EFR3B: variants seen among roughly 807,000 people sequenced by gnomAD.
EFR3B encodes protein EFR3 homolog B.
Under a neutral mutation model 104.7 loss-of-function variants are expected in EFR3B, and 64 were observed. The observed-to-expected ratio is 0.61, with a 90% CI of 0.50 to 0.75. The LOEUF is 0.75. EFR3B is among the 30% of genes least tolerant of loss of function. EFR3B has a pLI of 0.00. For missense variants in EFR3B, 750 were observed against 1,078.5 expected (o/e 0.70, Z 4.27); for synonymous variants, 385 against 417.9 (o/e 0.92, Z 0.96).
At chr2:25,045,507 C>A (rs539435566) in intron 1 of EFR3B, among the ~76,000 whole-genome samples, 1 of 152,212 alleles carries the variant, frequency 6.6e-6, no homozygotes, top group Non-Finnish European at 1.5e-5. Flanking sequence ...TAAGGCTGGG[C>A]GTGGTGGCTC....
Position 25,103,703 on chromosome 2 carries a change from C to T in EFR3B, c.279C>T (p.Asn93=), listed in dbSNP as rs922398413. ...LLMACHCQSI[N]LFVESFLKMV... ...TGGCCTGCCACTGCCAGAGCATCAA[C>T]CTCTTCGTGGAGAGCTTCCTCAAGA... Residue 93 remains asparagine (N), a synonymous_variant, in exon 4 of 23, where the codon AAC becomes AAT. Coordinates refer to ENST00000403714, the MANE Select transcript of EFR3B (RefSeq NM_014971.2). 4 of 1,551,572 alleles carry T rather than the reference C, an allele frequency of 2.6e-6. No individual in the cohort carries two copies. The highest frequency in any genetic ancestry group is 2.7e-5 in the African/African-American group (2 of 73,028).
At position 25,137,790 on chromosome 2, in the gene EFR3B, G is replaced by A. The variant is rs941963934; in HGVS notation, c.1722+288G>A. ...TTAGCTACTACATGTCAAGTCTCTC[G>A]CAGAGTCTGAGTGAGACTCCAGGGA... On this transcript the variant is annotated intron_variant, in intron 15 of 22. Transcript: ENST00000403714. This position sits in a 1 kb window ranked among gnomAD's most constrained non-coding sequence, Gnocchi z 4.7. Among the ~76,000 whole-genome samples the A allele has an allele frequency of 1.8e-4, 27 of 152,252 alleles. No individual in the cohort carries two copies. The highest frequency in any genetic ancestry group is 7.7e-4 in the East Asian group (4 of 5,178).
chr2:25,108,526 A>T lies in EFR3B; in HGVS notation c.363+4739A>T, dbSNP rs543172353. On this transcript the variant is annotated intron_variant, in intron 4 of 22. Coordinates refer to ENST00000403714, the MANE Select transcript of EFR3B (RefSeq NM_014971.2). ...CTTTCACTTCTATTTCACACCACAC[A>T]CAAAAATTAACTCAAAATAGATCAA... Among the ~76,000 whole-genome samples, 5 of 152,302 alleles carry T rather than the reference A, an allele frequency of 3.3e-5. No homozygotes were observed. The East Asian group carries it at 5.8e-4, about 18-fold the overall frequency.
chr2:25,133,252 G>A (rs1230564081), intron 11 of EFR3B, 131 bp from the exon 12 acceptor site: 1 of 1,072,150 alleles, frequency 9.3e-7, no homozygotes, highest in Non-Finnish European at 1.4e-6. Context: ...CCTGGGTCCG[G>A]AAGTCACTGT....
chr2:25,064,841 T>C lies in EFR3B; in HGVS notation c.7+22522T>C, dbSNP rs78236114. Among the ~76,000 whole-genome samples the C allele has an allele frequency of 8.8e-3, 1,347 of 152,350 alleles. 20 individuals carry two copies. Among genetic ancestry groups the C allele is most frequent in the African/African-American group, 0.031 (1,290 of 41,562 alleles). ...CCAAAAATGTAACCAATACATTACTTACACTGATAAATAACATTTTTAAAG... is the reference window on the plus strand; with the variant it reads ...CCAAAAATGTAACCAATACATTACTCACACTGATAAATAACATTTTTAAAG... On this transcript the variant is annotated intron_variant, in intron 1 of 22. Coordinates refer to ENST00000403714, the MANE Select transcript of EFR3B (RefSeq NM_014971.2).
At position 25,042,260 on chromosome 2, in the gene EFR3B, G is replaced by T. The variant is rs939417513; in HGVS notation, c.-53G>T. The T allele has an allele frequency of 5.3e-6, 7 of 1,309,766 alleles. No individual in the cohort carries two copies. The highest frequency in any genetic ancestry group is 5.8e-6 in the Non-Finnish European group (6 of 1,029,576). The allele number at this position is 1,309,766 out of a possible 1,614,324, so 81.1% of individuals were successfully genotyped here. ...GAAAGGCGGGCGCCGCCGAGGGCTG[G>T]CTGGGAACGCCGCAGCGACGCCGGC... On this transcript the variant is annotated 5_prime_UTR_variant, in exon 1 of 23. Coordinates refer to ENST00000403714, the MANE Select transcript of EFR3B (RefSeq NM_014971.2). This position sits in a 1 kb window ranked among gnomAD's most constrained non-coding sequence, Gnocchi z 5.4.
Position 25,092,989 on chromosome 2 carries a change from G to T in EFR3B, c.85-14G>T. 6.5e-7 allele frequency: 1 copy of T among 1,542,518 alleles called. No individual in the cohort carries two copies. On this transcript the variant is annotated splice_polypyrimidine_tract_variant and intron_variant, in intron 2 of 22. Coordinates refer to ENST00000403714, the MANE Select transcript of EFR3B (RefSeq NM_014971.2). ...AGTGTGGCCATAGTGAGCACAAGCT[G>T]TTTTCTCCTACAGGATGGTCTGGTG...
At chr2:25,108,509 T>A (rs1290641881) in intron 4 of EFR3B, among the ~76,000 whole-genome samples, 1 of 152,164 alleles carries the variant, frequency 6.6e-6, no homozygotes, top group African/African-American at 2.4e-5. Flanking sequence ...TACTTTCACT[T>A]CTATTTCACA....
At chr2:25,071,534 C>A (rs1360033299) in intron 1 of EFR3B, among the ~76,000 whole-genome samples, 1 of 152,210 alleles carries the variant, frequency 6.6e-6, no homozygotes. Context: ...GCTGGGATTA[C>A]AGGTGTGAGC....
Position 25,131,541 on chromosome 2 carries a change from C to T in EFR3B, c.985+38C>T, listed in dbSNP as rs773217242. 5.9e-5 allele frequency: 91 copies of T among 1,544,030 alleles called. No homozygotes were observed. The highest frequency in any genetic ancestry group is 7.5e-5 in the Non-Finnish European group (86 of 1,144,004). ...GCTAGGGCCTGAGGGCCGGGGACCCCGCGGAGGCTGCCGCCTCTTACAGAG... is the reference window on the plus strand; with the variant it reads ...GCTAGGGCCTGAGGGCCGGGGACCCTGCGGAGGCTGCCGCCTCTTACAGAG... On this transcript the variant is annotated intron_variant, in intron 9 of 22. Transcript: ENST00000403714. This position sits in a 1 kb window ranked among gnomAD's most constrained non-coding sequence, Gnocchi z 7.6.
chr2:25,092,592 A>G (rs536427762), intron 2 of EFR3B, among the ~76,000 whole-genome samples: 34 of 149,040 alleles, frequency 2.3e-4, no homozygotes, highest in Admixed American at 1.2e-3. Context: ...TCTGTCGCCC[A>G]GGCTAGAGTG....
rs924417613 is a variant in EFR3B, at chr2:25,156,072, G to A, written c.*1732G>A. 3.9e-5 allele frequency: 6 copies of A among 152,164 alleles called. No homozygotes were observed. Among genetic ancestry groups the A allele is most frequent in the African/African-American group, 7.2e-5 (3 of 41,408 alleles). 9.4% of individuals were successfully genotyped at this position (152,164 alleles called of 1,614,324 possible). ...GGACGGCCTCAGCTCATAGCCCCAC[G>A]TGTGGTGTGCACGGATGTGCAGGGA... is the stretch of plus-strand genomic sequence containing the variant. On this transcript the variant is annotated 3_prime_UTR_variant, in exon 23 of 23. Transcript: ENST00000403714.
chr2:25,056,999 T>A (rs1668039428), intron 1 of EFR3B, among the ~76,000 whole-genome samples: 1 of 152,192 alleles, frequency 6.6e-6, no homozygotes, highest in Admixed American at 6.5e-5. Context: ...ATGAATGGGC[T>A]GGAAGGGTTT....
chr2:25,057,737 G>T (rs1179675900), intron 1 of EFR3B, among the ~76,000 whole-genome samples: 1 of 147,574 alleles, frequency 6.8e-6, no homozygotes, highest in Non-Finnish European at 1.5e-5. Context: ...AGCCGAGATT[G>T]CACCATTATT....
At chr2:25,079,048 T>TGA (rs1668715095) in intron 1 of EFR3B, among the ~76,000 whole-genome samples, 2 of 152,048 alleles carry the variant, frequency 1.3e-5, no homozygotes, top group African/African-American at 4.8e-5. Context: ...AGAGCATGAG[T>TGA]GAGAGGACCC....
intron 21 of EFR3B, among the ~76,000 whole-genome samples, chr2:25,153,036 C>G (rs7605927): frequency 0.34 from 50,970 of 151,964 alleles, 9,485 homozygotes; most frequent in East Asian, 0.6. Context: ...CAGTTTTGCA[C>G]AGCTGCTCCT....
Position 25,131,443 on chromosome 2 carries a change from C to T in EFR3B, c.925C>T (p.Arg309Cys), listed in dbSNP as rs948655610. 3.2e-6 allele frequency: 5 copies of T among 1,550,750 alleles called. No individual in the cohort carries two copies. The highest frequency in any genetic ancestry group is 4.4e-6 in the Non-Finnish European group (5 of 1,146,872). Residue 309 changes from arginine to cysteine, a missense_variant, in exon 9 of 23, where the codon CGC becomes TGC. Arg to Cys is a radical substitution (Grantham distance 180). Transcript: ENST00000403714. The surrounding 1 kb of genome is among the most constrained non-coding windows in gnomAD (Gnocchi z 7.6). ...CAACAGCCGCAGCGCTGCGACGGTG[C>T]GCGCGGGCATCGTGGAAGTCTTGTC... ...DANSRSAATV[R>C]AGIVEVLSEA...
At chr2:25,083,592 T>A (rs1668870281) in intron 1 of EFR3B, among the ~76,000 whole-genome samples, 1 of 152,202 alleles carries the variant, frequency 6.6e-6, no homozygotes, top group Non-Finnish European at 1.5e-5. Flanking sequence ...CCCACTAAGC[T>A]GCTTTGGGAC....
intron 3 of EFR3B, among the ~76,000 whole-genome samples, chr2:25,100,457 A>G (rs1316867826): frequency 2.0e-5 from 3 of 152,146 alleles, no homozygotes; most frequent in African/African-American, 7.2e-5. Flanking sequence ...TGGGCACCCC[A>G]TTAGGCTTTA....
Sources: gnomAD v4.1 joint callset for allele counts (sites outside exome capture counted in the v4.1 genomes callset) on GRCh38, gnomAD v4.1.1 for gene constraint, Gnocchi (gnomAD v3.1) non-coding constraint, MANE v1.5 for transcripts, NCBI Gene and HGNC (gene_info 2026-07-23, HGNC 2026-07-21) for gene names.